The following LRP1B variants were observed in gnomAD, a reference collection of about 807,000 sequenced individuals.
LRP1B encodes low-density lipoprotein receptor-related protein 1B.
A neutral mutation model predicts 556.6 loss-of-function variants in LRP1B; 217 were observed. That is an observed-to-expected ratio of 0.39 (90% CI 0.35 to 0.44). LRP1B has a LOEUF of 0.44. Among genes scored for constraint, LRP1B ranks in the 20% least tolerant of loss-of-function variants. The pLI is 1.00. For synonymous variants in LRP1B, 2,047 were observed against 1,865.8 expected, an observed-to-expected ratio of 1.10 and a Z score of -2.50; for missense variants, 5,053 against 5,620.8, an observed-to-expected ratio of 0.90 and a Z score of 3.23.
At chr2:140,691,488 CAAAAA>C (rs35775292) in intron 41 of LRP1B, among the ~76,000 whole-genome samples, 1 of 92,728 alleles carries the variant, frequency 1.1e-5, no homozygotes. Context: ...AACTCCACCT[CAAAAA>C]AAAAAAAAAA....
At position 141,244,665 on chromosome 2, in the gene LRP1B, C is replaced by T. The variant is rs188056120; in HGVS notation, c.592+2561G>A. ...ACATATAACTGAAGCCAAAAGTATC[C>T]TCTGGTTCACTTCCCATAAATATGA... On this transcript the variant is annotated intron_variant, in intron 5 of 90. Coordinates refer to ENST00000389484, the MANE Select transcript of LRP1B (RefSeq NM_018557.3). 2.1e-3 allele frequency among the ~76,000 whole-genome samples: 325 copies of T among 152,222 alleles called. 1 individual carries two copies. In the Middle Eastern group the frequency reaches 0.024, roughly 11 times the overall value.
chr2:141,714,560 A>T (rs968528024), intron 2 of LRP1B, among the ~76,000 whole-genome samples: 1 of 142,980 alleles, frequency 7.0e-6, no homozygotes, highest in Non-Finnish European at 1.5e-5. Context: ...CTTCCTTTTG[A>T]TCTGAATGTA....
At chr2:140,743,213 T>C (rs1420966204) in intron 35 of LRP1B, among the ~76,000 whole-genome samples, 7 of 152,204 alleles carry the variant, frequency 4.6e-5, no homozygotes, top group Admixed American at 4.6e-4. Context: ...ATATTAAATA[T>C]AATGTGCAGC....
At chr2:141,420,122 A>G (rs1680083054) in intron 3 of LRP1B, among the ~76,000 whole-genome samples, 1 of 152,204 alleles carries the variant, frequency 6.6e-6, no homozygotes, top group African/African-American at 2.4e-5. Context: ...AAAATGCCTT[A>G]CTATTATTGT....
chr2:141,346,237 G>C (rs1688253663), intron 3 of LRP1B, among the ~76,000 whole-genome samples: 1 of 151,840 alleles, frequency 6.6e-6, no homozygotes. Flanking sequence ...TTATATTTAA[G>C]AGTGAGAAAC....
intron 7 of LRP1B, among the ~76,000 whole-genome samples, chr2:141,075,653 A>G (rs1450369318): frequency 6.6e-6 from 1 of 152,194 alleles, no homozygotes; most frequent in Non-Finnish European, 1.5e-5. Context: ...CTGATTCTGC[A>G]CTTAAGGAAG....
Position 141,083,056 on chromosome 2 carries a change from A to AT in LRP1B, c.1014-20784dup, listed in dbSNP as rs556796557. On this transcript the variant is annotated intron_variant, in intron 7 of 90. Transcript: ENST00000389484. ...AGCTAATCAAATTATTTCTTTGGAG[A>AT]TTTTGAATCAAGAAGTCTCCAATTG... Among the ~76,000 whole-genome samples, 87 of 152,318 alleles carry AT rather than the reference A, an allele frequency of 5.7e-4. 2 individuals carry two copies. Among genetic ancestry groups the AT allele is most frequent in the African/African-American group, 2.1e-3 (86 of 41,570 alleles).
intron 84 of LRP1B, among the ~76,000 whole-genome samples, chr2:140,296,245 T>C (rs1683599453): frequency 6.6e-6 from 1 of 152,156 alleles, no homozygotes; most frequent in Non-Finnish European, 1.5e-5. Context: ...CTTCAGGCTT[T>C]GTGTATAAAG....
intron 1 of LRP1B, among the ~76,000 whole-genome samples, chr2:141,823,526 T>C (rs2105733789): frequency 6.6e-6 from 1 of 152,258 alleles, no homozygotes; most frequent in Middle Eastern, 3.4e-3. Context: ...CTTTAGCATT[T>C]TAATAAAAGA....
chr2:140,426,712 G>A (rs898930232), intron 66 of LRP1B, among the ~76,000 whole-genome samples: 6 of 152,020 alleles, frequency 3.9e-5, no homozygotes, highest in African/African-American at 4.8e-5. Context: ...GACTCTTTTC[G>A]GACTCAGCCC....
At chr2:141,162,261 G>A (rs1230937774) in intron 7 of LRP1B, among the ~76,000 whole-genome samples, 2 of 152,056 alleles carry the variant, frequency 1.3e-5, no homozygotes, top group African/African-American at 4.8e-5. Flanking sequence ...TGCAGAGCAG[G>A]AATAAAGTTA....
In LRP1B at chr2:140,753,907, G is replaced by A. The variant is rs113962413; in HGVS notation, c.5758+15306C>T. Among the ~76,000 whole-genome samples, 411 of 152,158 alleles carry A rather than the reference G, an allele frequency of 2.7e-3. 1 individual carries two copies. The highest frequency in any genetic ancestry group is 3.6e-3 in the Non-Finnish European group (246 of 68,008). On this transcript the variant is annotated intron_variant, in intron 35 of 90. Coordinates refer to ENST00000389484, the MANE Select transcript of LRP1B (RefSeq NM_018557.3). ...AGAGCTCCCTTCCTCCACCCATCCT[G>A]TACTCATAGGGGGAAGACCTCCCAA...
intron 41 of LRP1B, among the ~76,000 whole-genome samples, chr2:140,610,903 A>C (rs909898900): frequency 1.3e-5 from 2 of 152,242 alleles, no homozygotes; most frequent in African/African-American, 4.8e-5. Flanking sequence ...CCTTGTCTGA[A>C]ATACAGAGAT....
intron 41 of LRP1B, among the ~76,000 whole-genome samples, chr2:140,646,809 T>G (rs74716188): frequency 6.6e-6 from 1 of 152,006 alleles, no homozygotes; most frequent in African/African-American, 2.4e-5. Flanking sequence ...TACATACATA[T>G]GTGATATGTG....
intron 1 of LRP1B, among the ~76,000 whole-genome samples, chr2:141,889,680 C>G (rs1480913945): frequency 1.3e-5 from 2 of 151,990 alleles, no homozygotes; most frequent in Non-Finnish European, 2.9e-5. Context: ...ATTAGTAGTC[C>G]CATGAACATT....
chr2:140,785,852 G>T (rs1363622869), intron 32 of LRP1B, among the ~76,000 whole-genome samples: 1 of 152,036 alleles, frequency 6.6e-6, no homozygotes, highest in Non-Finnish European at 1.5e-5. Context: ...GTCATCAGAG[G>T]CGAGGCCAGA....
intron 7 of LRP1B, among the ~76,000 whole-genome samples, chr2:141,101,154 T>C (rs1461271854): frequency 2.6e-5 from 4 of 152,042 alleles, no homozygotes. Context: ...TAAAGCACCT[T>C]TGCAGAGATC....
intron 24 of LRP1B, among the ~76,000 whole-genome samples, chr2:140,884,485 T>A (rs1693573953): frequency 6.6e-6 from 1 of 152,112 alleles, no homozygotes; most frequent in African/African-American, 2.4e-5. Context: ...GCACTCACTC[T>A]TTTTCTCTTT....
chr2:141,192,609 CAA>C (rs1681566802), intron 6 of LRP1B, among the ~76,000 whole-genome samples: 1 of 151,588 alleles, frequency 6.6e-6, no homozygotes, highest in South Asian at 2.1e-4. Context: ...TTTTTTCAAC[CAA>C]AAGTCACCTG....
Sources: gnomAD v4.1 joint callset for allele counts (sites outside exome capture counted in the v4.1 genomes callset) on GRCh38, gnomAD v4.1.1 for gene constraint, MANE v1.5 for transcripts, NCBI Gene and HGNC (gene_info 2026-07-23, HGNC 2026-07-21) for gene names.